The following NOL10 variants were observed in gnomAD, a reference collection of about 807,000 sequenced individuals.
NOL10 encodes nucleolar protein 10.
In NOL10, 58 loss-of-function variants were observed where a neutral mutation model predicts 103.5. The observed-to-expected ratio is 0.56, with a 90% CI of 0.45 to 0.70. The LOEUF (loss-of-function observed/expected upper bound fraction) is 0.70. Ranked by LOEUF, NOL10 falls within the 30% of genes least tolerant of loss-of-function variation. NOL10 has a pLI of 0.00. For synonymous variants in NOL10, 287 were observed against 282.5 expected (o/e 1.02, Z -0.16); for missense variants, 763 against 807.3 (o/e 0.95, Z 0.67).
Position 10,596,253 on chromosome 2 carries a change from T to TGG in NOL10, c.1422+4598_1422+4599dup, listed in dbSNP as rs1469968902. On this transcript the variant is annotated intron_variant, in intron 17 of 20. Transcript: ENST00000381685. ...CGGAAGACAAGTTTTCCACAGATGGTGGTGGGGGGCGGGGGGCGGGCGCGA... is the reference window on the plus strand; with the variant it reads ...CGGAAGACAAGTTTTCCACAGATGGTGGGGTGGGGGGCGGGGGGCGGGCGCGA... Among the ~76,000 whole-genome samples the TGG allele has an allele frequency of 6.0e-3, 107 of 17,820 alleles. 12 individuals are homozygous for TGG. Among genetic ancestry groups the TGG allele is most frequent in the African/African-American group, 0.05 (104 of 2,068 alleles). 11.7% of individuals were successfully genotyped at this position (17,820 alleles called of 152,430 possible).
rs556614304 is a variant in NOL10 at position 10,652,346 on chromosome 2, C to A, written c.973+2135G>T. 1.1e-4 allele frequency among the ~76,000 whole-genome samples: 16 copies of A among 151,244 alleles called. No homozygotes were observed. In the South Asian group the frequency reaches 3.4e-3, roughly 32 times the overall value. On this transcript the variant is annotated intron_variant, in intron 12 of 20. Coordinates refer to ENST00000381685, the MANE Select transcript of NOL10 (RefSeq NM_024894.4). Reference sequence around the variant, plus strand: ...TGCCACACACCAGCTGGGTGACCAACCCTGAATGAATTACCCAATTTTTCT... The same window carrying A: ...TGCCACACACCAGCTGGGTGACCAAACCTGAATGAATTACCCAATTTTTCT...
chr2:10,642,590 C>T (rs532325087), intron 13 of NOL10, among the ~76,000 whole-genome samples: 2 of 152,128 alleles, frequency 1.3e-5, no homozygotes, highest in Non-Finnish European at 2.9e-5. Flanking sequence ...AATGCTCAGC[C>T]ATGGGAGGTA....
chr2:10,681,056 T>C (rs1465126557), intron 3 of NOL10, among the ~76,000 whole-genome samples: 1 of 152,166 alleles, frequency 6.6e-6, no homozygotes, highest in Admixed American at 6.5e-5. Flanking sequence ...CTTAGAAGTT[T>C]CCCAGAACAC....
At chr2:10,649,373 A>T (rs901653714) in intron 12 of NOL10, among the ~76,000 whole-genome samples, 7 of 124,468 alleles carry the variant, frequency 5.6e-5, no homozygotes, top group Middle Eastern at 5.8e-3. Context: ...CAGGCTGGAG[A>T]GCAGTGGCAT....
chr2:10,594,880 C>T (rs1006589553), intron 17 of NOL10, among the ~76,000 whole-genome samples: 3 of 151,810 alleles, frequency 2.0e-5, no homozygotes, highest in Non-Finnish European at 4.4e-5. Context: ...ACCTGTAATC[C>T]CAGCTACTTG....
chr2:10,670,587 T>C (rs1340192093), intron 6 of NOL10, among the ~76,000 whole-genome samples: 1 of 151,926 alleles, frequency 6.6e-6, no homozygotes, highest in Non-Finnish European at 1.5e-5. Flanking sequence ...ATACAAAAAT[T>C]AGCTGGGCAT....
At chr2:10,599,850 A>T (rs1675883348) in intron 17 of NOL10, among the ~76,000 whole-genome samples, 1 of 152,120 alleles carries the variant, frequency 6.6e-6, no homozygotes, top group East Asian at 1.9e-4. Flanking sequence ...GCAATCGCCC[A>T]AGATTACATA....
rs369954013 is a variant in NOL10, at chr2:10,589,573, A to G, written c.1596+5T>C. The G allele has an allele frequency of 9.8e-5, 152 of 1,554,588 alleles. No homozygotes were observed. Among genetic ancestry groups the G allele is most frequent in the Non-Finnish European group, 1.0e-4 (119 of 1,155,762 alleles). ...GCAAATTCTAACTGATAAGGAGTACATTACTTTTTCACGAAGTTCTTGTTG... is the reference window on the plus strand; with the variant it reads ...GCAAATTCTAACTGATAAGGAGTACGTTACTTTTTCACGAAGTTCTTGTTG... On this transcript the variant is annotated splice_donor_5th_base_variant and intron_variant, in intron 18 of 20. Coordinates refer to ENST00000381685, the MANE Select transcript of NOL10 (RefSeq NM_024894.4).
rs1677515034 is a variant in NOL10 at position 10,627,036 on chromosome 2, T to C, written c.1026+17284A>G. ...GTGATGGGAAACGGGGAGGATATCC[T>C]TTGTTGAGAAAAAGGCCACAGATAC... On this transcript the variant is annotated intron_variant, in intron 13 of 20. Coordinates refer to ENST00000381685, the MANE Select transcript of NOL10 (RefSeq NM_024894.4). Among the ~76,000 whole-genome samples the C allele has an allele frequency of 3.9e-5, 6 of 152,348 alleles. No homozygotes were observed. The South Asian group carries it at 1.2e-3, about 32-fold the overall frequency.
At chr2:10,656,331 G>A (rs1679839847) in intron 11 of NOL10, among the ~76,000 whole-genome samples, 1 of 152,132 alleles carries the variant, frequency 6.6e-6, no homozygotes, top group Admixed American at 6.5e-5. Flanking sequence ...CAAACTCAAA[G>A]CCAACAAAGC....
intron 9 of NOL10, among the ~76,000 whole-genome samples, chr2:10,660,347 C>T (rs1387305887): frequency 6.6e-6 from 1 of 152,108 alleles, no homozygotes. Flanking sequence ...GACAGGGTTT[C>T]ACTCCCGTCG....
In NOL10 at chr2:10,572,298, C is replaced by T; in HGVS notation, c.1948-108G>A. On this transcript the variant is annotated intron_variant, in intron 20 of 20. Transcript: ENST00000381685. ...ACCACCACCAATCTCAGAACTGCTG[C>T]CAGGAGAAATGCTGCCCACAGGCTC... 4 of 1,220,714 alleles carry T rather than the reference C, an allele frequency of 3.3e-6. No individual in the cohort carries two copies. In the South Asian group the frequency reaches 5.3e-5, roughly 16 times the overall value. The allele number at this position is 1,220,714 out of a possible 1,614,324, so 75.6% of individuals were successfully genotyped here.
At chr2:10,615,634 TGAA>T (rs1422079477) in intron 13 of NOL10, among the ~76,000 whole-genome samples, 36 of 152,288 alleles carry the variant, frequency 2.4e-4, no homozygotes, top group Admixed American at 3.3e-4. Context: ...CAAAAAGAAC[TGAA>T]GAAGAAGATG....
intron 6 of NOL10, among the ~76,000 whole-genome samples, chr2:10,670,660 G>C (rs889242042): frequency 2.6e-5 from 4 of 152,102 alleles, no homozygotes; most frequent in Non-Finnish European, 4.4e-5. Context: ...ACTTGAACCT[G>C]GGAGGCAGAG....
intron 5 of NOL10, among the ~76,000 whole-genome samples, chr2:10,672,918 G>A (rs556470581): frequency 1.4e-4 from 22 of 152,150 alleles, no homozygotes; most frequent in Admixed American, 6.6e-5. Context: ...ACTTGAACTC[G>A]GGAGGCTGAT....
chr2:10,598,394 A>G (rs1396895115), intron 17 of NOL10, among the ~76,000 whole-genome samples: 1 of 152,242 alleles, frequency 6.6e-6, no homozygotes. Context: ...CAACAAGATA[A>G]AACTGCAACA....
Position 10,589,200 on chromosome 2 carries a change from T to G in NOL10, c.1687A>C (p.Lys563Gln). 2 of 1,614,030 alleles carry G rather than the reference T, an allele frequency of 1.2e-6. No homozygotes were observed. The highest frequency in any genetic ancestry group is 1.3e-5 in the African/African-American group (1 of 75,040). The change falls in exon 19 of 21, where the codon AAG (lysine) becomes CAG (glutamine). Residue 563 changes from lysine to glutamine, a missense_variant. Coordinates refer to ENST00000381685, the MANE Select transcript of NOL10 (RefSeq NM_024894.4). Reference protein sequence around the residue: ...DEKAWVEEVRKQRRLLQQEEK... With the variant: ...DEKAWVEEVRQQRRLLQQEEK... Reference sequence around the variant, plus strand: ...TCCTGCTGGAGGAGTCTGCGTTGCTTCCTGACCTCTTCAACCCAGGCTTTT... The same window carrying G: ...TCCTGCTGGAGGAGTCTGCGTTGCTGCCTGACCTCTTCAACCCAGGCTTTT...
chr2:10,685,590 C>T (rs1313611257), intron 1 of NOL10, among the ~76,000 whole-genome samples: 1 of 149,200 alleles, frequency 6.7e-6, no homozygotes, highest in East Asian at 2.0e-4. Context: ...ACAACAAAAG[C>T]TGATTAACTC....
intron 1 of NOL10, among the ~76,000 whole-genome samples, chr2:10,686,431 G>T (rs1186478726): frequency 6.6e-6 from 1 of 152,150 alleles, no homozygotes; most frequent in Non-Finnish European, 1.5e-5. Context: ...AGAGAGGAGG[G>T]CAGGAAGGCA....
Sources: allele counts gnomAD v4.1 joint callset (sites outside exome capture counted in the v4.1 genomes callset), GRCh38; gene constraint gnomAD v4.1.1; transcripts MANE v1.5; gene names NCBI Gene and HGNC (gene_info 2026-07-23, HGNC 2026-07-21).